Variants in CELF2 observed in about 807,000 individuals in gnomAD.
CELF2 encodes CUGBP Elav-like family member 2.
CELF2 carries 8 observed loss-of-function variants against 62.6 expected under a neutral mutation model. The ratio of observed to expected loss-of-function variants is 0.13; its 90% CI spans 0.07 to 0.23. CELF2 has a LOEUF of 0.23. Ranked by LOEUF, CELF2 falls within the 10% of genes least tolerant of loss-of-function variation. The probability of loss-of-function intolerance (pLI) is 1.00; values close to 1 mark genes in which losing one functional copy is unlikely to be tolerated. For missense variants in CELF2, 333 were observed against 671.0 expected (o/e 0.50, Z 5.56); for synonymous variants, 258 against 250.0 (o/e 1.03, Z -0.30).
the CELF2 span, among the ~76,000 whole-genome samples, chr10:10,689,686 C>T: frequency 2.6e-5 from 4 of 152,122 alleles, no homozygotes; most frequent in African/African-American, 9.7e-5. Flanking sequence ...AAAACAGATT[C>T]ACCGAAGAAC....
chr10:11,157,387 TCC>T lies in CELF2; in HGVS notation c.75-8094_75-8093del, dbSNP rs906205498. On this transcript the variant is annotated intron_variant, in intron 1 of 12. Coordinates refer to ENST00000633077, the MANE Select transcript of CELF2 (RefSeq NM_001326342.2). The surrounding 1 kb of genome is among the most constrained non-coding windows in gnomAD (Gnocchi z 4.9). The stretch of plus-strand genomic sequence containing the variant: ...TGTCTTTTGACTTTGATATCCGCCC[TCC>T]CCCCACACACACACACACAAAAATT... Among the ~76,000 whole-genome samples, 9 of 124,022 alleles carry T rather than the reference TCC, an allele frequency of 7.3e-5. No individual in the cohort carries two copies. Among genetic ancestry groups the T allele is most frequent in the African/African-American group, 2.7e-4 (9 of 33,938 alleles). The allele number at this position is 124,022 out of a possible 152,430, so 81.4% of individuals were successfully genotyped here.
the CELF2 span, among the ~76,000 whole-genome samples, chr10:10,554,120 G>A: frequency 1.3e-5 from 2 of 152,126 alleles, no homozygotes; most frequent in Non-Finnish European, 2.9e-5. Flanking sequence ...GAATGAGCAT[G>A]TGTCAGCTGA....
chr10:11,183,403 G>A (rs1021493465), intron 2 of CELF2, among the ~76,000 whole-genome samples: 3 of 152,210 alleles, frequency 2.0e-5, no homozygotes, highest in African/African-American at 7.2e-5. Flanking sequence ...AAGCTGCTGG[G>A]AACATCCATG....
chr10:10,995,578 G>A lies in CELF2; in HGVS notation c.89+75579G>A, dbSNP rs529492032. 1.3e-5 allele frequency among the ~76,000 whole-genome samples: 2 copies of A among 152,324 alleles called. No individual in the cohort carries two copies. The highest frequency in any genetic ancestry group is 2.9e-5 in the Non-Finnish European group (2 of 68,028). The stretch of plus-strand genomic sequence containing the variant: ...GGTGAGAATACCTGAGAGATGAGTT[G>A]GAGACATAGGTGGATCTCATGGGCA... On this transcript the variant is annotated intron_variant, in intron 2 of 13. Transcript: ENST00000636488. The surrounding 1 kb of genome is among the most constrained non-coding windows in gnomAD (Gnocchi z 4.7).
intron 2 of CELF2, among the ~76,000 whole-genome samples, chr10:11,179,566 G>A (rs961240513): frequency 6.6e-6 from 1 of 152,210 alleles, no homozygotes; most frequent in Admixed American, 6.5e-5. Flanking sequence ...ATTCTGTGGA[G>A]CAGAGACATG....
rs2071800221 is a variant in CELF2 at position 11,177,869 on chromosome 10, A to C, written c.271+12187A>C. ...TAACCCCATGGTGGAGGCTGCGGAG[A>C]GTGTTGTAGGCAGTTGCAGTGCCCG... On this transcript the variant is annotated intron_variant, in intron 2 of 12. Coordinates refer to ENST00000633077, the MANE Select transcript of CELF2 (RefSeq NM_001326342.2). This position sits in a 1 kb window ranked among gnomAD's most constrained non-coding sequence, Gnocchi z 4.8. 6.6e-6 allele frequency among the ~76,000 whole-genome samples: 1 copy of C among 151,582 alleles called. No individual in the cohort carries two copies. Among genetic ancestry groups the C allele is most frequent in the Admixed American group, 6.6e-5 (1 of 15,242 alleles).
rs564878636 is a variant in CELF2, at chr10:10,862,302, C to G, written c.54-57662C>G. 4.2e-4 allele frequency among the ~76,000 whole-genome samples: 64 copies of G among 152,270 alleles called. 1 individual carries two copies. In the South Asian group the frequency reaches 0.013, roughly 30 times the overall value. On this transcript the variant is annotated intron_variant, in intron 1 of 13. Coordinates refer to the CELF2 transcript ENST00000636488. ...GCTGGGCAGTAGTCACTTAGGGTCT[C>G]TCATGTAGCTGCAGTCACATGTTGG...
the CELF2 span, among the ~76,000 whole-genome samples, chr10:10,635,723 A>C: frequency 6.6e-6 from 1 of 152,222 alleles, no homozygotes; most frequent in African/African-American, 2.4e-5. Context: ...TAATCAGCAG[A>C]ATTTAAAATA....
intron 2 of CELF2, among the ~76,000 whole-genome samples, chr10:10,969,284 C>A (rs2050495618): frequency 6.6e-6 from 1 of 152,066 alleles, no homozygotes. Flanking sequence ...GGGACTTGGG[C>A]AAACCCCAAA....
chr10:11,295,454 G>A (rs1338418393), intron 9 of CELF2, among the ~76,000 whole-genome samples: 1 of 152,194 alleles, frequency 6.6e-6, no homozygotes, highest in African/African-American at 2.4e-5. Flanking sequence ...CCAATATTTT[G>A]TATATCTTAC....
In CELF2 at chr10:10,904,329, C is replaced by T. The variant is rs766377082; in HGVS notation, c.54-15635C>T. On this transcript the variant is annotated intron_variant, in intron 1 of 13. Coordinates refer to the CELF2 transcript ENST00000636488. ...GAAGCCTGGATCTGCTGGGCTCAAG[C>T]GATCCTCCCACGTCTACCTCCCAAG... Among the ~76,000 whole-genome samples the T allele has an allele frequency of 3.3e-5, 5 of 151,780 alleles. No individual in the cohort carries two copies. The East Asian group carries it at 5.8e-4, about 18-fold the overall frequency.
chr10:10,908,806 G>A (rs575504110), intron 1 of CELF2, among the ~76,000 whole-genome samples: 3 of 152,212 alleles, frequency 2.0e-5, no homozygotes, highest in Admixed American at 2.0e-4. Flanking sequence ...GTTTTGTTTT[G>A]AGATGTAGTC....
At chr10:11,126,294 CT>C (rs2058687254) in intron 1 of CELF2, among the ~76,000 whole-genome samples, 1 of 152,132 alleles carries the variant, frequency 6.6e-6, no homozygotes, top group African/African-American at 2.4e-5. Context: ...CATTTCTTGC[CT>C]TTTCTCTCAC....
chr10:10,634,296 A>G, the CELF2 span, among the ~76,000 whole-genome samples: 1 of 151,962 alleles, frequency 6.6e-6, no homozygotes, highest in African/African-American at 2.4e-5. Context: ...TTTCCTAGGT[A>G]TATTCTAAAT....
intron 1 of CELF2, among the ~76,000 whole-genome samples, chr10:11,142,716 T>C (rs957929221): frequency 1.9e-4 from 28 of 146,914 alleles, no homozygotes; most frequent in African/African-American, 5.5e-4. Flanking sequence ...AGATGGGCTG[T>C]CATAAAGAGA....
At chr10:10,730,308 C>G in the CELF2 span, among the ~76,000 whole-genome samples, 2 of 152,038 alleles carry the variant, frequency 1.3e-5, no homozygotes, top group East Asian at 1.9e-4. Flanking sequence ...GAAACCCTGT[C>G]TCTACTAAAA....
chr10:11,243,359 C>CAAAA lies in CELF2; in HGVS notation c.355-5780_355-5777dup. 1.1e-5 allele frequency among the ~76,000 whole-genome samples: 1 copy of CAAAA among 91,256 alleles called. No homozygotes were observed. The highest frequency in any genetic ancestry group is 2.5e-5 in the Non-Finnish European group (1 of 40,666). 59.9% of individuals were successfully genotyped at this position (91,256 alleles called of 152,430 possible). A position where few individuals can be genotyped will look rare whatever the true frequency, so the allele number is the denominator to read the frequency against. On this transcript the variant is annotated intron_variant, in intron 3 of 12. Coordinates refer to ENST00000633077, the MANE Select transcript of CELF2 (RefSeq NM_001326342.2). This position sits in a 1 kb window ranked among gnomAD's most constrained non-coding sequence, Gnocchi z 4.1. Reference sequence around the variant, plus strand: ...GTGCGGCTTTAGGCAAAATGTTATTCAAAAAAAAAAAAAAAAAGCTTCTAA... The same window carrying CAAAA: ...GTGCGGCTTTAGGCAAAATGTTATTCAAAAAAAAAAAAAAAAAAAAAGCTTCTAA...
chr10:11,262,551 A>T (rs182817930), intron 5 of CELF2, among the ~76,000 whole-genome samples: 1 of 152,286 alleles, frequency 6.6e-6, no homozygotes, highest in Non-Finnish European at 1.5e-5. Context: ...CTCAGTGATG[A>T]GATTTTGCCA....
At chr10:11,276,731 G>T (rs1282511532) in intron 8 of CELF2, among the ~76,000 whole-genome samples, 1 of 152,190 alleles carries the variant, frequency 6.6e-6, no homozygotes, top group Non-Finnish European at 1.5e-5. Flanking sequence ...AGGTCACTGG[G>T]TCCTGAGGCT....
Sources: allele counts gnomAD v4.1 joint callset (sites outside exome capture counted in the v4.1 genomes callset), GRCh38; gene constraint gnomAD v4.1.1; non-coding constraint Gnocchi (gnomAD v3.1); transcripts MANE v1.5; gene names NCBI Gene and HGNC (gene_info 2026-07-23, HGNC 2026-07-21).